KAZN: variants seen among roughly 807,000 people sequenced by gnomAD.
The protein encoded by KAZN is kazrin, periplakin interacting protein, also known as kazrin.
Under a neutral mutation model 87.4 loss-of-function variants are expected in KAZN, and 40 were observed. The ratio of observed to expected loss-of-function variants is 0.46; its 90% confidence interval spans 0.36 to 0.60. The LOEUF (loss-of-function observed/expected upper bound fraction) is 0.60. Among genes scored for constraint, KAZN ranks in the 20% least tolerant of loss-of-function variants. The pLI is 0.00. For missense variants in KAZN, 898 were observed against 1,073.9 expected, an observed-to-expected ratio of 0.84 and a Z score of 2.29; for synonymous variants, 466 against 458.3, an observed-to-expected ratio of 1.02 and a Z score of -0.22.
chr1:15,112,575 G>A (rs773426710), intron 14 of KAZN, 34 bp downstream of exon 14: 3 of 663,706 alleles, frequency 4.5e-6, no homozygotes, highest in African/African-American at 4.1e-5. Flanking sequence ...TGTGAGTCCT[G>A]CAGACCCGGG....
At chr1:14,138,693 C>G (rs934441327) in intron 1 of KAZN, among the ~76,000 whole-genome samples, 1 of 152,176 alleles carries the variant, frequency 6.6e-6, no homozygotes. Flanking sequence ...TCAATAGCTC[C>G]CCCATCGCAC....
At chr1:14,527,808 G>T (rs1293295493) in intron 2 of KAZN, among the ~76,000 whole-genome samples, 1 of 152,024 alleles carries the variant, frequency 6.6e-6, no homozygotes, top group Non-Finnish European at 1.5e-5. Context: ...TTACCACGAG[G>T]ATGACACCAA....
intron 1 of KAZN, among the ~76,000 whole-genome samples, chr1:14,609,316 A>G (rs1434639962): frequency 1.3e-5 from 2 of 152,150 alleles, no homozygotes; most frequent in African/African-American, 4.8e-5. Flanking sequence ...TTGCAATTTG[A>G]CATGGTACCA....
chr1:13,939,982 G>A (rs1320210541), intron 1 of KAZN, among the ~76,000 whole-genome samples: 1 of 152,116 alleles, frequency 6.6e-6, no homozygotes, highest in African/African-American at 2.4e-5. Flanking sequence ...CTGACTCCAT[G>A]ATCTAATCGC....
chr1:14,046,016 A>G (rs544910380), intron 1 of KAZN, among the ~76,000 whole-genome samples: 65 of 152,356 alleles, frequency 4.3e-4, no homozygotes, highest in African/African-American at 1.5e-3. Context: ...AGAACAGACA[A>G]GGTCCATTTG....
At chr1:14,507,472 A>G (rs1044946227) in intron 2 of KAZN, among the ~76,000 whole-genome samples, 2 of 152,234 alleles carry the variant, frequency 1.3e-5, no homozygotes, top group Admixed American at 6.5e-5. Flanking sequence ...AGCGATGGCT[A>G]GAAGACCTAA....
intron 1 of KAZN, among the ~76,000 whole-genome samples, chr1:13,906,412 G>A (rs528404307): frequency 6.6e-6 from 1 of 152,290 alleles, no homozygotes; most frequent in South Asian, 2.1e-4. Context: ...GGCAGGAGTT[G>A]GAGATGTTGA....
At position 14,999,507 on chromosome 1, in the gene KAZN, C is replaced by A. The variant is rs373631365; in HGVS notation, c.419-35242C>A. On this transcript the variant is annotated intron_variant, in intron 2 of 14. Coordinates refer to ENST00000376030, the MANE Select transcript of KAZN (RefSeq NM_201628.3). Reference sequence around the variant, plus strand: ...CAGGCATTGCCTGCCCCCCTCCCCCCGCCCCGCCATCCAGACCTTGACCTT... The same window carrying A: ...CAGGCATTGCCTGCCCCCCTCCCCCAGCCCCGCCATCCAGACCTTGACCTT... Among the ~76,000 whole-genome samples the A allele has an allele frequency of 1.1e-4, 16 of 139,298 alleles. No homozygotes were observed. In the South Asian group the frequency reaches 2.3e-3, roughly 20 times the overall value. The allele number at this position is 139,298 out of a possible 152,430, so 91.4% of individuals were successfully genotyped here.
At chr1:13,951,510 G>C (rs183130896) in intron 1 of KAZN, among the ~76,000 whole-genome samples, 2 of 152,180 alleles carry the variant, frequency 1.3e-5, no homozygotes, top group Admixed American at 6.5e-5. Flanking sequence ...TTCTCAAAAG[G>C]GTTCTGGTTT....
intron 1 of KAZN, among the ~76,000 whole-genome samples, chr1:14,644,366 T>TTTC (rs1680648918): frequency 6.6e-6 from 1 of 151,486 alleles, no homozygotes; most frequent in African/African-American, 2.4e-5. Flanking sequence ...TTTTTTTTTT[T>TTTC]TTCTTCTTTT....
intron 1 of KAZN, among the ~76,000 whole-genome samples, chr1:14,092,521 G>A (rs1393136447): frequency 2.0e-5 from 3 of 148,610 alleles, no homozygotes; most frequent in Admixed American, 6.6e-5. Context: ...CTGCATGTAT[G>A]TGTGTAGGGG....
intron 1 of KAZN, among the ~76,000 whole-genome samples, chr1:14,802,618 C>G (rs1304021787): frequency 1.3e-5 from 2 of 152,168 alleles, no homozygotes; most frequent in Non-Finnish European, 2.9e-5. Flanking sequence ...CGTCTCGGGG[C>G]TGGGAAACCT....
chr1:14,878,473 G>C (rs1653001539), intron 1 of KAZN, among the ~76,000 whole-genome samples: 1 of 151,994 alleles, frequency 6.6e-6, no homozygotes, highest in Non-Finnish European at 1.5e-5. Context: ...ACCACCAAAG[G>C]AATTCCTCTG....
chr1:15,104,870 A>G (rs1641241542), intron 13 of KAZN, among the ~76,000 whole-genome samples: 1 of 152,230 alleles, frequency 6.6e-6, no homozygotes, highest in African/African-American at 2.4e-5. Flanking sequence ...AAACTTCTTC[A>G]AAGGTACCAA....
chr1:14,132,319 G>T (rs1645008693), intron 1 of KAZN, among the ~76,000 whole-genome samples: 1 of 152,112 alleles, frequency 6.6e-6, no homozygotes, highest in African/African-American at 2.4e-5. Flanking sequence ...AAAGGCCTGA[G>T]GCAGAAAAGC....
chr1:14,128,857 A>G (rs888715961), intron 1 of KAZN, among the ~76,000 whole-genome samples: 1 of 152,144 alleles, frequency 6.6e-6, no homozygotes, highest in Admixed American at 6.5e-5. Context: ...CTCCATTTTC[A>G]TCTTCAACCC....
At chr1:14,329,880 A>G (rs1051427742) in intron 2 of KAZN, among the ~76,000 whole-genome samples, 1 of 152,234 alleles carries the variant, frequency 6.6e-6, no homozygotes, top group Non-Finnish European at 1.5e-5. Context: ...CACTTCTAGC[A>G]TGTTTTACAA....
intron 2 of KAZN, among the ~76,000 whole-genome samples, chr1:14,206,257 TTTTC>T (rs1470708358): frequency 6.6e-6 from 1 of 151,832 alleles, no homozygotes; most frequent in East Asian, 1.9e-4. Flanking sequence ...CTTTTTGTTT[TTTTC>T]TTTTCTGATT....
chr1:14,161,787 C>T (rs1157840237), intron 1 of KAZN, among the ~76,000 whole-genome samples: 1 of 152,192 alleles, frequency 6.6e-6, no homozygotes, highest in Non-Finnish European at 1.5e-5. Flanking sequence ...CCAAACCCCC[C>T]AAAATCTCAT....
Sources: gnomAD v4.1 joint callset for allele counts (sites outside exome capture counted in the v4.1 genomes callset) on GRCh38, gnomAD v4.1.1 for gene constraint, MANE v1.5 for transcripts, NCBI Gene and HGNC (gene_info 2026-07-23, HGNC 2026-07-21) for gene names.